LOC128706665: variants seen among roughly 807,000 people sequenced by gnomAD.
At chr20:10,422,899 G>T in the LOC128706665 span, among the ~76,000 whole-genome samples, 1 of 151,994 alleles carries the variant, frequency 6.6e-6, no homozygotes. Flanking sequence ...TTTTAGTAGA[G>T]ACAGGGTTTC....
Sources: gnomAD v4.1 joint callset for allele counts (sites outside exome capture counted in the v4.1 genomes callset) on GRCh38, gnomAD v4.1.1 for gene constraint, MANE v1.5 for transcripts.